Variants in C1orf53 observed in about 807,000 individuals in gnomAD.
C1orf53 encodes chromosome 1 open reading frame 53.
Under a neutral mutation model 17.5 loss-of-function variants are expected in C1orf53, and 23 were observed. That is an observed-to-expected ratio of 1.31 (90% CI 0.94 to 1.86). The LOEUF (loss-of-function observed/expected upper bound fraction) is 1.86, where lower values mean the gene tolerates loss of function less well. Ranked by LOEUF, C1orf53 falls within the 40% of genes most tolerant of loss-of-function variation. The pLI is 0.00. For synonymous variants in C1orf53, 108 were observed against 81.9 expected, an observed-to-expected ratio of 1.32 and a Z score of -1.72; for missense variants, 255 against 193.2, an observed-to-expected ratio of 1.32 and a Z score of -1.89.
rs137948251 is a variant in C1orf53 at position 197,904,496 on chromosome 1, C to G, written c.265-1300C>G. The stretch of plus-strand genomic sequence containing the variant: ...TAAAAAGAAGCCTGCTACAGAGTTC[C>G]TAGTGTTTTTTTGTTTTTCTTCCAA... On this transcript the variant is annotated intron_variant, in intron 1 of 2. Transcript: ENST00000367393. Among the ~76,000 whole-genome samples the G allele has an allele frequency of 1.1e-4, 16 of 152,274 alleles. No homozygotes were observed. The East Asian group carries it at 2.9e-3, about 28-fold the overall frequency.
intron 1 of C1orf53, among the ~76,000 whole-genome samples, chr1:197,903,772 A>G (rs184647162): frequency 1.3e-5 from 2 of 152,338 alleles, no homozygotes; most frequent in East Asian, 3.9e-4. Context: ...AAATAATGAC[A>G]GTTAGTAGGC....
rs552161638 is a variant in C1orf53 at position 197,902,726 on chromosome 1, C to T, written c.77C>T (p.Pro26Leu). 35 of 1,555,368 alleles carry T rather than the reference C, an allele frequency of 2.3e-5. No individual in the cohort carries two copies. In the Admixed American group the frequency reaches 3.7e-4, roughly 16 times the overall value. ...RQPSAAPPPA[P>L]LWVRAGFRQQ... ...CCTTCCGCCGCCCCGCCGCCAGCAC[C>T]TCTCTGGGTAAGAGCTGGGTTCCGA... The change falls in exon 1 of 3, where the codon CCT (proline) becomes CTT (leucine). Residue 26 changes from proline (P) to leucine (L), a missense_variant. Pro to Leu is a moderately conservative substitution (Grantham distance 98). Transcript: ENST00000367393.
At chr1:197,905,968 GAAC>G (rs570699575) in intron 2 of C1orf53, 71 bp downstream of exon 2, 7 of 1,134,206 alleles carry the variant, frequency 6.2e-6, no homozygotes, top group Non-Finnish European at 8.0e-6. Flanking sequence ...CCTATTATTT[GAAC>G]AACAAGTCAA....
At chr1:197,904,545 A>G (rs1187638813) in intron 1 of C1orf53, among the ~76,000 whole-genome samples, 1 of 152,180 alleles carries the variant, frequency 6.6e-6, no homozygotes, top group African/African-American at 2.4e-5. Context: ...AGCTTCGTAA[A>G]TAAATAAAGA....
In C1orf53 at chr1:197,905,848, A is replaced by G. The variant is rs1659514504; in HGVS notation, c.317A>G (p.Gln106Arg). 2 of 1,613,902 alleles carry G rather than the reference A, an allele frequency of 1.2e-6. No homozygotes were observed. Among genetic ancestry groups the G allele is most frequent in the African/African-American group, 2.7e-5 (2 of 74,946 alleles). ...DPATGYVVLT[Q>R]IAHLQRGECC... ...GCTACTGGCTATGTGGTGCTCACAC[A>G]GATTGCCCACTTGCAAAGAGGTGAA... Residue 106 changes from glutamine (Q) to arginine (R), a missense_variant, in exon 2 of 3, where the codon CAG becomes CGG. Gln to Arg is a conservative substitution (Grantham distance 43). Coordinates refer to ENST00000367393, the MANE Select transcript of C1orf53 (RefSeq NM_001024594.3).
At position 197,902,685 on chromosome 1, in the gene C1orf53, C is replaced by G; in HGVS notation, c.36C>G (p.Ala12=). The G allele has an allele frequency of 6.6e-7, 1 of 1,504,070 alleles. No homozygotes were observed. The highest frequency in any genetic ancestry group is 8.8e-7 in the Non-Finnish European group (1 of 1,133,906). 93.2% of individuals were successfully genotyped at this position (1,504,070 alleles called of 1,614,324 possible). Reference sequence around the variant, plus strand: ...GGCAGATCTGGGCACGGACGGGTGCCGCGCTCTGCAGGCAACCTTCCGCCG... The same window carrying G: ...GGCAGATCTGGGCACGGACGGGTGCGGCGCTCTGCAGGCAACCTTCCGCCG... ...AARQIWARTG[A]ALCRQPSAAP... The change falls in exon 1 of 3, where the codon GCC becomes GCG. Residue 12 remains alanine, a synonymous_variant. Coordinates refer to ENST00000367393, the MANE Select transcript of C1orf53 (RefSeq NM_001024594.3).
At chr1:197,902,972 G>A in intron 1 of C1orf53, 59 bp downstream of exon 1, 1 of 1,324,400 alleles carries the variant, frequency 7.6e-7, no homozygotes, top group Non-Finnish European at 9.6e-7. Flanking sequence ...CGGCGCGCCT[G>A]CGCATCCCGG....
Position 197,902,649 on chromosome 1 carries a change from C to T in C1orf53, c.-1C>T, listed in dbSNP as rs1557964431. ...CTCCGCCTCCCAAGGCCGGCGGCGG[C>T]ATGGCGGCCAGGCAGATCTGGGCAC... On this transcript the variant is annotated 5_prime_UTR_variant, in exon 1 of 3. Coordinates refer to ENST00000367393, the MANE Select transcript of C1orf53 (RefSeq NM_001024594.3). 1.4e-6 allele frequency: 2 copies of T among 1,428,610 alleles called. No individual in the cohort carries two copies. Among genetic ancestry groups the T allele is most frequent in the Non-Finnish European group, 1.8e-6 (2 of 1,096,440 alleles). 88.5% of individuals were successfully genotyped at this position (1,428,610 alleles called of 1,614,324 possible).
In C1orf53 at chr1:197,907,287, T is replaced by C; in HGVS notation, c.*67T>C. ...TAAAAAATAAAGCCCCAATTCAGAA[T>C]TGCTGGATTATTAGTACTTGAACAC... On this transcript the variant is annotated 3_prime_UTR_variant, in exon 3 of 3. Coordinates refer to ENST00000367393, the MANE Select transcript of C1orf53 (RefSeq NM_001024594.3). The C allele has an allele frequency of 1.2e-6, 1 of 845,574 alleles. No individual in the cohort carries two copies. Among genetic ancestry groups the C allele is most frequent in the South Asian group, 1.6e-5 (1 of 61,716 alleles). The allele number at this position is 845,574 out of a possible 1,614,324, so 52.4% of individuals were successfully genotyped here.
chr1:197,905,725 T>C, intron 1 of C1orf53, 71 bp from the exon 2 acceptor site: 3 of 1,078,318 alleles, frequency 2.8e-6, no homozygotes, highest in Non-Finnish European at 4.3e-6. Context: ...GTATTTTATG[T>C]GTAGACATTA....
chr1:197,902,670 G>A lies in C1orf53; in HGVS notation c.21G>A (p.Trp7Ter), dbSNP rs775617419. The A allele has an allele frequency of 1.3e-6, 2 of 1,490,002 alleles. No homozygotes were observed. Among genetic ancestry groups the A allele is most frequent in the Non-Finnish European group, 1.8e-6 (2 of 1,127,316 alleles). 92.3% of individuals were successfully genotyped at this position (1,490,002 alleles called of 1,614,324 possible). Reference protein sequence around the residue: MAARQIWARTGAALCRQ... With the variant: MAARQI ...GCGGCATGGCGGCCAGGCAGATCTG[G>A]GCACGGACGGGTGCCGCGCTCTGCA... Residue 7 changes from tryptophan to a stop codon, truncating the protein, a stop_gained, in exon 1 of 3, where the codon TGG (tryptophan) becomes TGA (stop). Transcript: ENST00000367393. LOFTEE classifies it high-confidence loss of function.
intron 1 of C1orf53, among the ~76,000 whole-genome samples, chr1:197,903,316 C>T (rs913692088): frequency 3.3e-5 from 5 of 152,246 alleles, no homozygotes; most frequent in Admixed American, 1.3e-4. Context: ...CAGTTGAACA[C>T]TTAGCAATCC....
chr1:197,906,770 A>G (rs1212559774), intron 2 of C1orf53, among the ~76,000 whole-genome samples: 3 of 152,228 alleles, frequency 2.0e-5, no homozygotes, highest in Non-Finnish European at 4.4e-5. Flanking sequence ...TAAAGAATAG[A>G]CACTAAATGC....
intron 1 of C1orf53, among the ~76,000 whole-genome samples, chr1:197,903,163 C>G (rs1279156918): frequency 1.3e-5 from 2 of 152,192 alleles, no homozygotes; most frequent in Non-Finnish European, 2.9e-5. Flanking sequence ...GAGCTAAACT[C>G]CGGTCGCAGT....
intron 1 of C1orf53, among the ~76,000 whole-genome samples, chr1:197,905,071 A>G (rs1659502421): frequency 6.6e-6 from 1 of 152,206 alleles, no homozygotes; most frequent in African/African-American, 2.4e-5. Context: ...CCCTTCCCAC[A>G]AAGTACTTGA....
At chr1:197,904,867 G>A (rs946185393) in intron 1 of C1orf53, among the ~76,000 whole-genome samples, 26 of 151,438 alleles carry the variant, frequency 1.7e-4, no homozygotes, top group African/African-American at 6.3e-4. Context: ...ATACAAAAAT[G>A]TGTTTGTCAG....
In C1orf53 at chr1:197,902,675, G is replaced by C. The variant is rs771958221; in HGVS notation, c.26G>C (p.Arg9Pro). Residue 9 changes from arginine (R) to proline (P), a missense_variant, in exon 1 of 3, where the codon CGG becomes CCG. Arg to Pro is a moderately radical substitution (Grantham distance 103). Transcript: ENST00000367393. ...ATGGCGGCCAGGCAGATCTGGGCAC[G>C]GACGGGTGCCGCGCTCTGCAGGCAA... MAARQIWA[R>P]TGAALCRQPS... 4.0e-6 allele frequency: 6 copies of C among 1,492,370 alleles called. No individual in the cohort carries two copies. Among genetic ancestry groups the C allele is most frequent in the East Asian group, 2.9e-5 (1 of 34,574 alleles). The allele number at this position is 1,492,370 out of a possible 1,614,324, so 92.4% of individuals were successfully genotyped here.
At chr1:197,903,229 G>T (rs377289096) in intron 1 of C1orf53, among the ~76,000 whole-genome samples, 1 of 152,190 alleles carries the variant, frequency 6.6e-6, no homozygotes, top group African/African-American at 2.4e-5. Flanking sequence ...GCGGAAGGGG[G>T]TGTTAAGGAA....
chr1:197,905,604 A>T (rs1659511312), intron 1 of C1orf53, 192 bp from the exon 2 acceptor site: 2 of 531,154 alleles, frequency 3.8e-6, no homozygotes, highest in African/African-American at 1.9e-5. Context: ...TTTTCTCCTT[A>T]TGTCACATAA....
Sources: allele counts gnomAD v4.1 joint callset (sites outside exome capture counted in the v4.1 genomes callset), GRCh38; gene constraint gnomAD v4.1.1; transcripts MANE v1.5; gene names NCBI Gene and HGNC (gene_info 2026-07-23, HGNC 2026-07-21).